ART5: variants seen among roughly 807,000 people sequenced by gnomAD.
ART5 encodes the protein ecto-ADP-ribosyltransferase 5.
A neutral mutation model predicts 25.0 loss-of-function variants in ART5; 22 were observed. The ratio of observed to expected loss-of-function variants is 0.88; its 90% CI spans 0.63 to 1.26. The LOEUF is 1.26. Ranked by LOEUF, ART5 falls within the 50% of genes most tolerant of loss-of-function variation. ART5 has a pLI of 0.00. For missense variants in ART5, 402 were observed against 372.8 expected, an observed-to-expected ratio of 1.08 and a Z score of -0.64; for synonymous variants, 161 against 154.8, an observed-to-expected ratio of 1.04 and a Z score of -0.30.
At chr11:3,641,778 G>T (rs1040857291) in intron 1 of ART5, 28 bp downstream of exon 1, 1 of 1,565,750 alleles carries the variant, frequency 6.4e-7, no homozygotes, top group East Asian at 2.3e-5. Flanking sequence ...TGTCCCCCTT[G>T]GGGCTAGGAG....
chr11:3,641,630 A>G (rs1166541088), intron 1 of ART5, among the ~76,000 whole-genome samples, 176 bp downstream of exon 1: 1 of 152,148 alleles, frequency 6.6e-6, no homozygotes, highest in Non-Finnish European at 1.5e-5. Context: ...AGGAGACAGA[A>G]TGGGAACTTG....
chr11:3,641,677 A>C, intron 1 of ART5, 129 bp downstream of exon 1: 2 of 1,461,824 alleles, frequency 1.4e-6, no homozygotes, highest in Non-Finnish European at 1.8e-6. Context: ...TGAGAGGAAG[A>C]GAGTTAAGAG....
At position 3,638,627 on chromosome 11, in the gene ART5, A is replaced by T. The variant is rs985346513; in HGVS notation, c.*111T>A. ...AGTACTTTCCTTGCTTGTCCCAGGA[A>T]GTCCCCATCACATAGCAGAGTTCCC... On this transcript the variant is annotated 3_prime_UTR_variant, in exon 4 of 4. Transcript: ENST00000397068. 7.6e-7 allele frequency: 1 copy of T among 1,322,394 alleles called. No individual in the cohort carries two copies. The highest frequency in any genetic ancestry group is 2.3e-5 in the East Asian group (1 of 43,224). The allele number at this position is 1,322,394 out of a possible 1,614,324, so 81.9% of individuals were successfully genotyped here. A position where few individuals can be genotyped will look rare whatever the true frequency, so the allele number is the denominator to read the frequency against.
In ART5 at chr11:3,639,855, G is replaced by A; in HGVS notation, c.574C>T (p.His192Tyr). Residue 192 changes from histidine to tyrosine, a missense_variant, in exon 2 of 4, where the codon CAC becomes TAC. His to Tyr is a moderately conservative substitution (Grantham distance 83). Transcript: ENST00000397068. ...AAGAGGGTGGCATTACCAAATCTGT[G>A]GGCCACTGCCTTATCCAGGGAGCTG... ...ASSSLDKAVA[H>Y]RFGNATLFSL... The A allele has an allele frequency of 1.2e-6, 2 of 1,614,178 alleles. No homozygotes were observed. The highest frequency in any genetic ancestry group is 1.7e-6 in the Non-Finnish European group (2 of 1,180,020).
At chr11:3,642,066 T>G, upstream of ART5, 1 of 1,416,980 alleles carries the variant, frequency 7.1e-7, no homozygotes. Context: ...CGCCCCCGAC[T>G]CCCCACACCC....
Position 3,640,385 on chromosome 11 carries a change from G to T in ART5, c.58-14C>A, listed in dbSNP as rs2077378856. 6.4e-7 allele frequency: 1 copy of T among 1,574,448 alleles called. No individual in the cohort carries two copies. Reference sequence around the variant, plus strand: ...AACAGCCTGGGCCTGTGGAGCAAAAGAGGTGCCACACCGAAAAGAGCATAA... The same window carrying T: ...AACAGCCTGGGCCTGTGGAGCAAAATAGGTGCCACACCGAAAAGAGCATAA... On this transcript the variant is annotated splice_polypyrimidine_tract_variant and intron_variant, in intron 1 of 3. Transcript: ENST00000397068.
intron 2 of ART5, 95 bp from the exon 3 acceptor site, chr11:3,639,130 A>G (rs951353485): frequency 8.9e-6 from 12 of 1,347,322 alleles, no homozygotes; most frequent in Admixed American, 8.8e-5. Flanking sequence ...TCCCTTCTCA[A>G]TCTATCTTTC....
In ART5 at chr11:3,639,726, A is replaced by C. The variant is rs1261244033; in HGVS notation, c.703T>G (p.Phe235Val). ...AAGCTCTGGGCTCCATCCTGAGAGA[A>C]TCTGGTAACCAAAAAGACTTCATGG... ...PPHEVFLVTRFSQDGAQSLVT... is the reference protein window; with the variant it reads ...PPHEVFLVTRVSQDGAQSLVT... The change falls in exon 2 of 4, where the codon TTC becomes GTC. Residue 235 changes from phenylalanine to valine, a missense_variant. Physicochemically the swap from Phe to Val is conservative, Grantham distance 50. Transcript: ENST00000397068. The C allele has an allele frequency of 6.2e-7, 1 of 1,614,154 alleles. No individual in the cohort carries two copies. The highest frequency in any genetic ancestry group is 8.5e-7 in the Non-Finnish European group (1 of 1,180,034).
At chr11:3,642,008 C>T (rs1045504076), upstream of ART5, 60 of 1,452,602 alleles carry the variant, frequency 4.1e-5, no homozygotes, top group Non-Finnish European at 5.3e-5. Flanking sequence ...CCCGGCGGGG[C>T]GTGGGCGGGG....
chr11:3,642,164 G>A (rs1391708589), upstream of ART5: 2 of 1,272,530 alleles, frequency 1.6e-6, no homozygotes, highest in Non-Finnish European at 2.0e-6. Context: ...GAGGGCCGGG[G>A]GCGGAGGACC....
intron 1 of ART5, among the ~76,000 whole-genome samples, chr11:3,640,669 G>C (rs1040794135): frequency 1.3e-5 from 2 of 151,588 alleles, no homozygotes; most frequent in African/African-American, 4.9e-5. Context: ...TCCCAGGTTG[G>C]AGTGATTCTC....
Position 3,639,622 on chromosome 11 carries a change from T to C in ART5, c.787+20A>G. The C allele has an allele frequency of 6.3e-7, 1 of 1,587,782 alleles. No individual in the cohort carries two copies. On this transcript the variant is annotated intron_variant, in intron 2 of 3. Transcript: ENST00000397068. ...ATTTCACCCACACTGCCAGTCCTGC[T>C]TCCCCCATGCACAGCTTACCACCCA...
At chr11:3,642,078 T>G, upstream of ART5, 4 of 1,403,286 alleles carry the variant, frequency 2.9e-6, no homozygotes, top group Non-Finnish European at 1.9e-6. Context: ...CCCACACCCC[T>G]TCCTCAGAGC....
chr11:3,638,733 G>A lies in ART5; in HGVS notation c.*5C>T. 1 of 1,614,162 alleles carries A rather than the reference G, an allele frequency of 6.2e-7. No homozygotes were observed. On this transcript the variant is annotated 3_prime_UTR_variant, in exon 4 of 4. Transcript: ENST00000397068. ...GGGCTGGGTCCGGAACCATGTTCTT[G>A]CTTCTCAAGGCTGCTGGAGGTGCCT...
At chr11:3,642,214 C>G (rs961921571), upstream of ART5, 1 of 1,154,754 alleles carries the variant, frequency 8.7e-7, no homozygotes, top group African/African-American at 1.6e-5. Flanking sequence ...GAGGGAGCGC[C>G]GAGGGCTCTG....
Position 3,639,045 on chromosome 11 carries a change from A to G in ART5, c.788-10T>C, listed in dbSNP as rs1017987872. The G allele has an allele frequency of 6.4e-6, 10 of 1,551,374 alleles. No homozygotes were observed. In the African/African-American group the frequency reaches 1.1e-4, roughly 17 times the overall value. ...CCCCGCCTCTTCTCCCCTGCAACAG[A>G]CAGCAGGGTGAGGCCTCCGCGTGGA... On this transcript the variant is annotated splice_polypyrimidine_tract_variant and intron_variant, in intron 2 of 3. Coordinates refer to ENST00000397068, the MANE Select transcript of ART5 (RefSeq NM_053017.5).
upstream of ART5, chr11:3,642,082 T>C (rs1421085807): frequency 1.1e-5 from 16 of 1,406,444 alleles, no homozygotes; most frequent in African/African-American, 1.5e-5. Flanking sequence ...CACCCCTTCC[T>C]CAGAGCCTCC....
rs74708481 is a variant in ART5 at position 3,639,750 on chromosome 11, G to T, written c.679C>A (p.His227Asn). ...PKEREVLIPP[H>N]EVFLVTRFSQ... ...AATCTGGTAACCAAAAAGACTTCAT[G>T]GGGGGGAATCAGCACCTCGCGCTCC... Residue 227 changes from histidine (H) to asparagine (N), a missense_variant, in exon 2 of 4, where the codon CAT becomes AAT. Coordinates refer to ENST00000397068, the MANE Select transcript of ART5 (RefSeq NM_053017.5). 2 of 1,614,064 alleles carry T rather than the reference G, an allele frequency of 1.2e-6. No homozygotes were observed. The highest frequency in any genetic ancestry group is 1.7e-6 in the Non-Finnish European group (2 of 1,180,004).
intron 1 of ART5, among the ~76,000 whole-genome samples, chr11:3,640,718 T>C (rs1294953393): frequency 6.6e-6 from 1 of 151,984 alleles, no homozygotes; most frequent in Non-Finnish European, 1.5e-5. Context: ...TACCTGTGCA[T>C]GCCACCATGC....
Sources: gnomAD v4.1 joint callset for allele counts (sites outside exome capture counted in the v4.1 genomes callset) on GRCh38, gnomAD v4.1.1 for gene constraint, MANE v1.5 for transcripts, NCBI Gene and HGNC (gene_info 2026-07-23, HGNC 2026-07-21) for gene names.